Variants in VPS13B observed in about 807,000 individuals in gnomAD.
VPS13B encodes intermembrane lipid transfer protein VPS13B.
Under a neutral mutation model 426.4 loss-of-function variants are expected in VPS13B, and 285 were observed. The ratio of observed to expected loss-of-function variants is 0.67; its 90% CI spans 0.61 to 0.74. The LOEUF is 0.74. Among genes scored for constraint, VPS13B ranks in the 30% least tolerant of loss-of-function variants. The pLI is 0.00. For missense variants in VPS13B, 4,537 were observed against 4,782.6 expected, an observed-to-expected ratio of 0.95 and a Z score of 1.51; for synonymous variants, 1,676 against 1,676.4, an observed-to-expected ratio of 1.00 and a Z score of 0.01.
At chr8:99,450,824 A>G (rs747964568) in intron 23 of VPS13B, among the ~76,000 whole-genome samples, 3 of 152,094 alleles carry the variant, frequency 2.0e-5, no homozygotes, top group Non-Finnish European at 2.9e-5. Context: ...GGGATTCCAA[A>G]TTTCTATTAA....
Position 99,573,488 on chromosome 8 carries a change from G to A in VPS13B, c.4950-2170G>A, listed in dbSNP as rs1006740171. ...AATTAATTTTTGTATAAGGTGTAAG[G>A]AAGGGATTGAGTTTCAGCTTTCTAC... is the stretch of plus-strand genomic sequence containing the variant. On this transcript the variant is annotated intron_variant, in intron 31 of 61. Coordinates refer to ENST00000357162, the MANE Select transcript of VPS13B (RefSeq NM_152564.5). Among the ~76,000 whole-genome samples the A allele has an allele frequency of 2.0e-5, 3 of 152,184 alleles. No individual in the cohort carries two copies. In the South Asian group the frequency reaches 6.2e-4, roughly 32 times the overall value.
At chr8:99,825,020 T>C (rs1479166816) in intron 51 of VPS13B, among the ~76,000 whole-genome samples, 1 of 152,246 alleles carries the variant, frequency 6.6e-6, no homozygotes, top group Non-Finnish European at 1.5e-5. Flanking sequence ...CTATTGTAAA[T>C]AGTGCTGCAA....
chr8:99,874,344 G>A (rs183621507), intron 61 of VPS13B, among the ~76,000 whole-genome samples: 3 of 152,264 alleles, frequency 2.0e-5, no homozygotes, highest in Non-Finnish European at 2.9e-5. Context: ...TTTGGGGACC[G>A]TTTTTCCCCA....
rs541243338 is a variant in VPS13B at position 99,287,661 on chromosome 8, A to G, written c.2824+12407A>G. On this transcript the variant is annotated intron_variant, in intron 19 of 61. Transcript: ENST00000357162. ...TAAATAATAAAAATGCAAATACACCATAGGAAAATGGCCAAAGGGGACAAA... is the reference window on the plus strand; with the variant it reads ...TAAATAATAAAAATGCAAATACACCGTAGGAAAATGGCCAAAGGGGACAAA... Among the ~76,000 whole-genome samples the G allele has an allele frequency of 3.9e-5, 6 of 152,064 alleles. 1 individual carries two copies. In the South Asian group the frequency reaches 6.2e-4, roughly 16 times the overall value.
At chr8:99,154,445 T>C (rs955842185) in intron 14 of VPS13B, among the ~76,000 whole-genome samples, 2 of 152,208 alleles carry the variant, frequency 1.3e-5, no homozygotes, top group Non-Finnish European at 2.9e-5. Context: ...TTGTTAGCCA[T>C]GTCTGGTCTT....
intron 54 of VPS13B, among the ~76,000 whole-genome samples, chr8:99,840,141 G>T (rs994713048): frequency 6.6e-6 from 1 of 152,236 alleles, no homozygotes; most frequent in Admixed American, 6.5e-5. Flanking sequence ...ATTACACACA[G>T]TATTCCAAAT....
chr8:99,730,362 A>C (rs1833542940), intron 39 of VPS13B, among the ~76,000 whole-genome samples: 1 of 152,246 alleles, frequency 6.6e-6, no homozygotes, highest in Non-Finnish European at 1.5e-5. Context: ...CAGTGGACAC[A>C]ATAATAAATG....
intron 36 of VPS13B, among the ~76,000 whole-genome samples, chr8:99,714,391 T>G (rs1032687812): frequency 1.3e-5 from 2 of 152,028 alleles, no homozygotes; most frequent in Admixed American, 1.3e-4. Flanking sequence ...CAGCTCTAAA[T>G]AAGGGAAATA....
intron 17 of VPS13B, among the ~76,000 whole-genome samples, chr8:99,255,191 T>A (rs1817685137): frequency 6.6e-6 from 1 of 152,172 alleles, no homozygotes; most frequent in South Asian, 2.1e-4. Context: ...CATTTTTCAG[T>A]ACTGAAATTT....
rs1823932101 is a variant in VPS13B at position 99,545,684 on chromosome 8, G to C, written c.4746-10766G>C. Among the ~76,000 whole-genome samples, 3 of 152,072 alleles carry C rather than the reference G, an allele frequency of 2.0e-5. No individual in the cohort carries two copies. In the South Asian group the frequency reaches 6.2e-4, roughly 32 times the overall value. On this transcript the variant is annotated intron_variant, in intron 30 of 61. Transcript: ENST00000357162. ...GAGTTTCGTGGCTCTCTGGCAAACA[G>C]CCTTAATACTGTTGCATTAGGCACT...
rs2132555298 is a variant in VPS13B at position 99,135,108 on chromosome 8, T to C, written c.1396T>C (p.Phe466Leu). 6.2e-7 allele frequency: 1 copy of C among 1,613,540 alleles called. No homozygotes were observed. Among genetic ancestry groups the C allele is most frequent in the South Asian group, 1.1e-5 (1 of 91,062 alleles). Residue 466 changes from phenylalanine to leucine, a missense_variant, in exon 10 of 62, where the codon TTT becomes CTT. Physicochemically the swap from Phe to Leu is conservative, Grantham distance 22. This residue lies in a region of VPS13B where 4,311 missense variants were observed against 4,474.3 expected (regional missense o/e 0.96). Transcript: ENST00000357162. ...TAAAGGAATTATGGGTGTTAAAGATTTTGAAGAGAATATGAATAGAAGTGA... is the reference window on the plus strand; with the variant it reads ...TAAAGGAATTATGGGTGTTAAAGATCTTGAAGAGAATATGAATAGAAGTGA... The part of the protein sequence containing the change: ...CLKGIMGVKD[F>L]EENMNRSETE...
chr8:99,477,187 C>CT (rs140409055), intron 24 of VPS13B, among the ~76,000 whole-genome samples: 156 of 152,186 alleles, frequency 1.0e-3, no homozygotes, highest in African/African-American at 3.6e-3. Context: ...CTATATATTC[C>CT]TTTTTATTTT....
At chr8:99,590,533 G>A (rs530737006) in intron 33 of VPS13B, among the ~76,000 whole-genome samples, 3 of 152,280 alleles carry the variant, frequency 2.0e-5, no homozygotes, top group South Asian at 4.2e-4. Flanking sequence ...CTGGTACATT[G>A]TGTCTTTGTT....
chr8:99,636,459 A>G (rs1206564748), intron 33 of VPS13B, among the ~76,000 whole-genome samples: 1 of 151,990 alleles, frequency 6.6e-6, no homozygotes, highest in Non-Finnish European at 1.5e-5. Flanking sequence ...CATGCCAGAT[A>G]TCTTAAAGGT....
intron 31 of VPS13B, among the ~76,000 whole-genome samples, chr8:99,572,142 G>A (rs1825507236): frequency 6.6e-6 from 1 of 152,158 alleles, no homozygotes; most frequent in Non-Finnish European, 1.5e-5. Flanking sequence ...ATAGCTTGAA[G>A]GGAAATTTGA....
intron 36 of VPS13B, among the ~76,000 whole-genome samples, chr8:99,702,680 C>T (rs143537718): frequency 5.9e-5 from 9 of 151,682 alleles, no homozygotes; most frequent in African/African-American, 2.2e-4. Context: ...TAAACACAGT[C>T]AAAAACACTG....
At chr8:99,144,488 CAA>C (rs34556724) in intron 13 of VPS13B, among the ~76,000 whole-genome samples, 83 of 91,918 alleles carry the variant, frequency 9.0e-4, no homozygotes, top group Admixed American at 1.1e-3. Context: ...GACCCTGTTT[CAA>C]AAAAAAAAAA....
At chr8:99,168,990 A>G (rs1442834857) in intron 15 of VPS13B, among the ~76,000 whole-genome samples, 11 of 152,004 alleles carry the variant, frequency 7.2e-5, no homozygotes, top group Admixed American at 7.2e-4. Context: ...TTTTGAAACT[A>G]TTTGGAAGTA....
chr8:99,121,609 A>G (rs1222696214), intron 8 of VPS13B, 164 bp downstream of exon 8: 3 of 1,432,310 alleles, frequency 2.1e-6, no homozygotes, highest in East Asian at 4.9e-5. Flanking sequence ...TCCACTTGAA[A>G]TCTTTGAATT....
Sources: allele counts gnomAD v4.1 joint callset (sites outside exome capture counted in the v4.1 genomes callset), GRCh38; gene constraint gnomAD v4.1.1; regional missense constraint gnomAD v4.1.1; transcripts MANE v1.5; gene names NCBI Gene and HGNC (gene_info 2026-07-23, HGNC 2026-07-21).